Variants in GALNT9 observed in about 807,000 individuals in gnomAD.
GALNT9 encodes polypeptide N-acetylgalactosaminyltransferase 9.
Under a neutral mutation model 63.1 loss-of-function variants are expected in GALNT9, and 47 were observed. That is an observed-to-expected ratio of 0.75 (90% CI 0.59 to 0.95). The LOEUF (loss-of-function observed/expected upper bound fraction) is 0.95, where lower values mean the gene tolerates loss of function less well. Among genes scored for constraint, GALNT9 ranks in the 40% least tolerant of loss-of-function variants. GALNT9 has a pLI of 0.00. For synonymous variants in GALNT9, 396 were observed against 365.7 expected, an observed-to-expected ratio of 1.08 and a Z score of -0.94; for missense variants, 829 against 874.8, an observed-to-expected ratio of 0.95 and a Z score of 0.66.
intron 1 of GALNT9, among the ~76,000 whole-genome samples, chr12:132,328,177 G>C (rs1463586812): frequency 6.6e-6 from 1 of 152,202 alleles, no homozygotes; most frequent in Non-Finnish European, 1.5e-5. Context: ...GCTCTCAGCA[G>C]CTGTGGCCGC....
chr12:132,214,429 A>G (rs1877099494), intron 6 of GALNT9, among the ~76,000 whole-genome samples: 1 of 152,122 alleles, frequency 6.6e-6, no homozygotes, highest in Non-Finnish European at 1.5e-5. Context: ...TCCTAGAGCT[A>G]GTGAGCACCC....
chr12:132,250,991 A>G (rs1878894626), intron 5 of GALNT9, among the ~76,000 whole-genome samples: 3 of 152,196 alleles, frequency 2.0e-5, no homozygotes, highest in African/African-American at 7.2e-5. Flanking sequence ...GCGCGCGCGT[A>G]AGACACAATC....
In GALNT9 at chr12:132,296,173, C is replaced by T. The variant is rs576881013; in HGVS notation, c.239-9743G>A. ...ACGGCCTCCGAACAGGGAGAGCCTC[C>T]GGAATAGGGACGGCCTCCGAACAGG... On this transcript the variant is annotated intron_variant, in intron 1 of 10. Transcript: ENST00000328957. The surrounding 1 kb of genome is among the most constrained non-coding windows in gnomAD (Gnocchi z 4.2). 6.6e-5 allele frequency among the ~76,000 whole-genome samples: 10 copies of T among 151,632 alleles called. No homozygotes were observed. In the East Asian group the frequency reaches 7.8e-4, roughly 12 times the overall value.
intron 6 of GALNT9, among the ~76,000 whole-genome samples, chr12:132,204,265 G>A (rs780045184): frequency 5.3e-5 from 8 of 151,588 alleles, no homozygotes; most frequent in Non-Finnish European, 1.2e-4. Context: ...TTCCTTCCGT[G>A]TCGTTCCACT....
At chr12:132,284,987 A>G (rs1175063272) in intron 2 of GALNT9, among the ~76,000 whole-genome samples, 2 of 152,208 alleles carry the variant, frequency 1.3e-5, no homozygotes, top group Non-Finnish European at 2.9e-5. Flanking sequence ...CCTGAGTCAC[A>G]AGGAATGGAA....
At chr12:132,267,138 A>G (rs1555240267) in intron 2 of GALNT9, among the ~76,000 whole-genome samples, 2 of 152,144 alleles carry the variant, frequency 1.3e-5, no homozygotes, top group Non-Finnish European at 2.9e-5. Context: ...GTCTCACAAA[A>G]AAGAAGACAC....
intron 6 of GALNT9, among the ~76,000 whole-genome samples, chr12:132,230,935 G>A (rs1363283075): frequency 1.3e-5 from 2 of 152,312 alleles, no homozygotes; most frequent in East Asian, 3.9e-4. Context: ...CACTCTTCTG[G>A]GCACTGGAAA....
chr12:132,220,739 G>A (rs185456042), intron 6 of GALNT9, among the ~76,000 whole-genome samples: 50 of 152,272 alleles, frequency 3.3e-4, no homozygotes, highest in Middle Eastern at 3.4e-3. Flanking sequence ...GGGAGGCCAC[G>A]CACTGAGAAA....
rs2136895805 is a variant in GALNT9 at position 132,238,092 on chromosome 12, C to T, written c.1077+9818G>A. 3.9e-4 allele frequency among the ~76,000 whole-genome samples: 60 copies of T among 152,296 alleles called. 1 individual carries two copies. The highest frequency in any genetic ancestry group is 1.4e-3 in the South Asian group (7 of 4,832). ...ACGTGTGTTTCCTGTGGCTGCCGTC[C>T]GCCACGAATTCCACAGCTCGGTGGC... is the stretch of plus-strand genomic sequence containing the variant. On this transcript the variant is annotated intron_variant, in intron 6 of 10. Transcript: ENST00000328957. This position sits in a 1 kb window ranked among gnomAD's most constrained non-coding sequence, Gnocchi z 6.5.
chr12:132,217,991 A>C (rs1877288232), intron 6 of GALNT9, among the ~76,000 whole-genome samples: 1 of 145,094 alleles, frequency 6.9e-6, no homozygotes, highest in African/African-American at 2.6e-5. Flanking sequence ...TCATCCATCT[A>C]CCCACTCATT....
chr12:132,262,907 C>T (rs73469899), intron 2 of GALNT9, among the ~76,000 whole-genome samples: 4,384 of 152,136 alleles, frequency 0.029, 216 homozygotes, highest in African/African-American at 0.1. Context: ...TGTACGGGGG[C>T]CAGAGCTGTT....
chr12:132,311,637 G>A (rs540528678), intron 1 of GALNT9, among the ~76,000 whole-genome samples: 18 of 152,328 alleles, frequency 1.2e-4, no homozygotes, highest in South Asian at 1.0e-3. Context: ...GGCAGCTGCC[G>A]TGGGACAGCG....
In GALNT9 at chr12:132,304,382, C is replaced by A. The variant is rs201592824; in HGVS notation, c.239-17952G>T. Among the ~76,000 whole-genome samples, 274 of 94,090 alleles carry A rather than the reference C, an allele frequency of 2.9e-3. 14 individuals carry two copies. Among genetic ancestry groups the A allele is most frequent in the Non-Finnish European group, 4.7e-3 (219 of 46,640 alleles). 61.7% of individuals were successfully genotyped at this position (94,090 alleles called of 152,430 possible). On this transcript the variant is annotated intron_variant, in intron 1 of 10. Transcript: ENST00000328957. Reference sequence around the variant, plus strand: ...CCGGGCACAGCCTCACCCGGGCACACCCTCACCGGGGCACACCCTCACCCA... The same window carrying A: ...CCGGGCACAGCCTCACCCGGGCACAACCTCACCGGGGCACACCCTCACCCA...
chr12:132,197,732 AG>A (rs1015047816), intron 10 of GALNT9, 59 bp downstream of exon 10: 57 of 1,279,720 alleles, frequency 4.5e-5, no homozygotes, highest in Admixed American at 2.7e-4. Context: ...AGAGGCACCC[AG>A]GGGTCCCAGC....
At chr12:132,235,198 A>G (rs1359647247) in intron 6 of GALNT9, among the ~76,000 whole-genome samples, 1 of 151,222 alleles carries the variant, frequency 6.6e-6, no homozygotes, top group Non-Finnish European at 1.5e-5. Flanking sequence ...CACACACTCG[A>G]TGGCGTGAGA....
chr12:132,326,260 A>G (rs537166177), intron 1 of GALNT9, among the ~76,000 whole-genome samples: 116 of 152,356 alleles, frequency 7.6e-4, no homozygotes, highest in African/African-American at 2.7e-3. Context: ...GCACAAAACC[A>G]TGGATGCTGT....
intron 6 of GALNT9, among the ~76,000 whole-genome samples, chr12:132,220,746 G>A (rs1877412615): frequency 6.6e-6 from 1 of 152,172 alleles, no homozygotes; most frequent in Admixed American, 6.5e-5. Flanking sequence ...CACGCACTGA[G>A]AAACTAAGGA....
chr12:132,308,934 C>A (rs1478762981), intron 1 of GALNT9, among the ~76,000 whole-genome samples: 4 of 152,212 alleles, frequency 2.6e-5, no homozygotes, highest in Non-Finnish European at 4.4e-5. Context: ...ACTGTGACTT[C>A]CGTGCCTGAG....
chr12:132,298,980 C>G (rs550945511), intron 1 of GALNT9, among the ~76,000 whole-genome samples: 82 of 149,260 alleles, frequency 5.5e-4, no homozygotes, highest in African/African-American at 2.0e-3. Context: ...CCATAACTAA[C>G]CCACTCGGAC....
Sources: allele counts gnomAD v4.1 joint callset (sites outside exome capture counted in the v4.1 genomes callset), GRCh38; gene constraint gnomAD v4.1.1; non-coding constraint Gnocchi (gnomAD v3.1); transcripts MANE v1.5; gene names NCBI Gene and HGNC (gene_info 2026-07-23, HGNC 2026-07-21).